Variants in SFMBT2 observed in about 807,000 individuals in gnomAD.
The protein encoded by SFMBT2 is Scm like with four mbt domains 2, also known as scm-like with four MBT domains protein 2.
SFMBT2 carries 38 observed loss-of-function variants against 110.1 expected under a neutral mutation model. The ratio of observed to expected loss-of-function variants is 0.35; its 90% CI spans 0.27 to 0.45. The LOEUF is 0.45. SFMBT2 is among the 20% of genes least tolerant of loss of function. The pLI is 1.00. For synonymous variants in SFMBT2, 425 were observed against 425.4 expected, an observed-to-expected ratio of 1.00 and a Z score of 0.01; for missense variants, 1,011 against 1,094.9, an observed-to-expected ratio of 0.92 and a Z score of 1.08.
intron 2 of SFMBT2, 63 bp downstream of exon 2, chr10:7,381,736 C>G: frequency 6.5e-7 from 1 of 1,536,782 alleles, no homozygotes; most frequent in Non-Finnish European, 8.9e-7. Flanking sequence ...TTCCTGAATA[C>G]TTTCAGGAAG....
chr10:7,230,570 G>A (rs1352668005), intron 9 of SFMBT2, among the ~76,000 whole-genome samples: 1 of 152,122 alleles, frequency 6.6e-6, no homozygotes, highest in Non-Finnish European at 1.5e-5. Flanking sequence ...CCCAGTAATG[G>A]GAGGGAGCCA....
intron 7 of SFMBT2, among the ~76,000 whole-genome samples, chr10:7,276,072 C>T (rs968003977): frequency 1.3e-5 from 2 of 152,216 alleles, no homozygotes; most frequent in Non-Finnish European, 2.9e-5. Flanking sequence ...CCATCTTTGT[C>T]CAGAACCTAA....
At chr10:7,176,918 A>G (rs1838078660) in intron 16 of SFMBT2, among the ~76,000 whole-genome samples, 1 of 152,252 alleles carries the variant, frequency 6.6e-6, no homozygotes, top group Non-Finnish European at 1.5e-5. Flanking sequence ...GTTAAAGGAA[A>G]AGGCTGCTGT....
chr10:7,236,650 A>G (rs1229312981), intron 9 of SFMBT2, among the ~76,000 whole-genome samples: 1 of 151,952 alleles, frequency 6.6e-6, no homozygotes, highest in Admixed American at 6.6e-5. Context: ...ACAAAAATCA[A>G]TGTCAAGTAG....
At chr10:7,315,048 G>GAAAGAAAGAAAGAA (rs1475858609) in intron 4 of SFMBT2, among the ~76,000 whole-genome samples, 48 of 112,884 alleles carry the variant, frequency 4.3e-4, no homozygotes, top group Non-Finnish European at 6.1e-4. Flanking sequence ...GAGAAAGAAA[G>GAAAGAAAGAAAGAA]AAAGAAAGAA....
intron 7 of SFMBT2, among the ~76,000 whole-genome samples, chr10:7,258,679 A>G (rs7092250): frequency 0.47 from 72,209 of 152,038 alleles, 17,999 homozygotes; most frequent in East Asian, 0.84. Context: ...CCCGCTGAAA[A>G]AACCATCCAG....
At chr10:7,378,179 TG>T in intron 2 of SFMBT2, among the ~76,000 whole-genome samples, 1 of 79,304 alleles carries the variant, frequency 1.3e-5, no homozygotes, top group Non-Finnish European at 2.5e-5. Flanking sequence ...TGGATGGGTG[TG>T]AGTGTGGGTG....
intron 7 of SFMBT2, among the ~76,000 whole-genome samples, chr10:7,271,291 C>CAAAAAAAA: frequency 1.0e-5 from 1 of 97,522 alleles, no homozygotes; most frequent in Non-Finnish European, 2.0e-5. Context: ...AGATTGCCTC[C>CAAAAAAAA]AAAAAAAAAA....
intron 4 of SFMBT2, among the ~76,000 whole-genome samples, chr10:7,317,541 T>C (rs755940106): frequency 1.4e-5 from 2 of 145,666 alleles, no homozygotes; most frequent in Non-Finnish European, 3.0e-5. Flanking sequence ...CTCAGGAGGC[T>C]GAGGGAGGAG....
intron 3 of SFMBT2, among the ~76,000 whole-genome samples, chr10:7,370,036 T>C (rs926904022): frequency 6.6e-6 from 1 of 152,146 alleles, no homozygotes; most frequent in Non-Finnish European, 1.5e-5. Flanking sequence ...AATTTTTATA[T>C]TTTTTGTAGG....
intron 4 of SFMBT2, among the ~76,000 whole-genome samples, chr10:7,319,658 G>A (rs970563609): frequency 7.0e-6 from 1 of 142,370 alleles, no homozygotes; most frequent in Admixed American, 6.7e-5. Flanking sequence ...GAGACAGAGA[G>A]AGAGAGAGAG....
At chr10:7,289,722 T>C (rs974998993) in intron 4 of SFMBT2, among the ~76,000 whole-genome samples, 4 of 152,246 alleles carry the variant, frequency 2.6e-5, no homozygotes, top group Non-Finnish European at 4.4e-5. Context: ...AGCTCTAATA[T>C]TCAAATGTAC....
chr10:7,295,207 G>A (rs1367019465), intron 4 of SFMBT2: 3 of 151,970 alleles, frequency 2.0e-5, no homozygotes, highest in African/African-American at 7.3e-5. Flanking sequence ...TTTTTCCTTG[G>A]TTCAGCCACA....
At chr10:7,345,540 G>T (rs755662031) in intron 4 of SFMBT2, among the ~76,000 whole-genome samples, 1 of 152,210 alleles carries the variant, frequency 6.6e-6, no homozygotes, top group Non-Finnish European at 1.5e-5. Flanking sequence ...TGTATTTTTA[G>T]TAAAGACGGG....
At chr10:7,254,379 TG>T (rs1338912443) in intron 7 of SFMBT2, among the ~76,000 whole-genome samples, 4 of 152,158 alleles carry the variant, frequency 2.6e-5, no homozygotes, top group Non-Finnish European at 5.9e-5. Flanking sequence ...AGAACAGCTA[TG>T]GAAGATCCAG....
intron 11 of SFMBT2, chr10:7,206,687 T>C (rs568060224): frequency 1.0e-5 from 8 of 785,898 alleles, no homozygotes; most frequent in Non-Finnish European, 1.2e-5. Flanking sequence ...TTCACAGCCA[T>C]GAAACTCTGA....
intron 4 of SFMBT2, among the ~76,000 whole-genome samples, chr10:7,307,208 A>G (rs1842721608): frequency 6.6e-6 from 1 of 152,234 alleles, no homozygotes; most frequent in Non-Finnish European, 1.5e-5. Context: ...GATGTAAACA[A>G]AGGAAATACA....
chr10:7,175,598 T>A lies in SFMBT2; in HGVS notation c.1984+392A>T, dbSNP rs981247796. Among the ~76,000 whole-genome samples, 10 of 152,178 alleles carry A rather than the reference T, an allele frequency of 6.6e-5. 1 individual carries two copies. Among genetic ancestry groups the A allele is most frequent in the Admixed American group, 6.5e-4 (10 of 15,280 alleles). On this transcript the variant is annotated intron_variant, in intron 17 of 20. Coordinates refer to ENST00000397167, the MANE Select transcript of SFMBT2 (RefSeq NM_001387889.1). ...CGTATCAAGAAGGGCAATGAAAGCA[T>A]CATTACACTATCCCAGAGTAAGGAC... is the stretch of plus-strand genomic sequence containing the variant.
chr10:7,206,594 C>A, intron 11 of SFMBT2: 1 of 984,902 alleles, frequency 1.0e-6, no homozygotes, highest in Non-Finnish European at 1.2e-6. Context: ...GTAGCAATGT[C>A]TAAAAGATCC....
Sources: gnomAD v4.1 joint callset for allele counts (sites outside exome capture counted in the v4.1 genomes callset) on GRCh38, gnomAD v4.1.1 for gene constraint, MANE v1.5 for transcripts, NCBI Gene and HGNC (gene_info 2026-07-23, HGNC 2026-07-21) for gene names.